SFI1: variants seen among roughly 807,000 people sequenced by gnomAD.
SFI1 encodes the protein SFI1 centrin binding protein.
In SFI1, 195 loss-of-function variants were observed where a neutral mutation model predicts 207.5. That is an observed-to-expected ratio of 0.94 (90% CI 0.84 to 1.06). The LOEUF is 1.06. SFI1 is among the 50% of genes least tolerant of loss of function. The pLI, the probability that SFI1 is intolerant of heterozygous loss-of-function variation, is 0.00. For missense variants in SFI1, 1,634 were observed against 1,588.0 expected (o/e 1.03, Z -0.49); for synonymous variants, 630 against 598.9 (o/e 1.05, Z -0.76).
intron 8 of SFI1, among the ~76,000 whole-genome samples, chr22:31,571,900 GA>G (rs1246313721): frequency 5.9e-5 from 9 of 151,440 alleles, no homozygotes; most frequent in Non-Finnish European, 1.2e-4. Context: ...ACATCTTGAA[GA>G]TTTTTTTTTT....
chr22:31,506,181 G>A (rs1985916879), intron 1 of SFI1, among the ~76,000 whole-genome samples: 1 of 151,634 alleles, frequency 6.6e-6, no homozygotes, highest in Non-Finnish European at 1.5e-5. Flanking sequence ...CTGAGTAGCT[G>A]GGATTGCAGG....
rs777585188 is a variant in SFI1, at chr22:31,575,348, C to T, written c.1040C>T (p.Ala347Val). The change falls in exon 10 of 33, where the codon GCC becomes GTC. Residue 347 changes from alanine to valine, a missense_variant. By Grantham distance (64) the Ala-to-Val change is moderately conservative. Transcript: ENST00000400288. ...YAHHAQVEKL[A>V]RKMALRRAFT... ...CACCATGCCCAGGTGGAGAAACTGG[C>T]CAGGAAGATGGCCCTGCGGCGCGCC... 8 of 1,612,368 alleles carry T rather than the reference C, an allele frequency of 5.0e-6. No homozygotes were observed. The Admixed American group carries it at 1.3e-4, about 27-fold the overall frequency.
chr22:31,590,311 T>G (rs1019874824), intron 15 of SFI1, among the ~76,000 whole-genome samples: 1 of 152,072 alleles, frequency 6.6e-6, no homozygotes, highest in Admixed American at 6.5e-5. Flanking sequence ...TAGAGAGAAG[T>G]CACAGAATCA....
chr22:31,509,224 G>A lies in SFI1; in HGVS notation c.92+848G>A, dbSNP rs184494539. The stretch of plus-strand genomic sequence containing the variant: ...TAATAGGATATATGTGTATGTGAAA[G>A]GGAGTTTGTTAAGGAGAATTGACTC... On this transcript the variant is annotated intron_variant, in intron 2 of 32. Transcript: ENST00000400288. Among the ~76,000 whole-genome samples the A allele has an allele frequency of 5.8e-4, 88 of 152,306 alleles. No individual in the cohort carries two copies. In the South Asian group the frequency reaches 0.011, roughly 20 times the overall value.
rs1217856533 is a variant in SFI1 at position 31,550,235 on chromosome 22, AC to A, written c.450-18del. The A allele has an allele frequency of 6.2e-7, 1 of 1,604,364 alleles. No homozygotes were observed. On this transcript the variant is annotated intron_variant, in intron 5 of 32. Transcript: ENST00000400288. ...CTGTTATTTTGAAGAAATGCCATTT[AC>A]TTTTTTTGGCTCCTCAGGTATTACC... is the stretch of plus-strand genomic sequence containing the variant.
At chr22:31,564,618 C>T (rs2062066599) in intron 8 of SFI1, among the ~76,000 whole-genome samples, 1 of 151,852 alleles carries the variant, frequency 6.6e-6, no homozygotes, top group Non-Finnish European at 1.5e-5. Flanking sequence ...GATCCTCCCA[C>T]CTCAGCCTCC....
chr22:31,611,742 C>T (rs774382048), intron 23 of SFI1, 24 bp from the exon 24 acceptor site: 10 of 1,609,466 alleles, frequency 6.2e-6, no homozygotes, highest in Non-Finnish European at 1.7e-6. Context: ...GGACGCCACT[C>T]TCTGTGCACT....
intron 4 of SFI1, among the ~76,000 whole-genome samples, chr22:31,539,488 C>T (rs1225786038): frequency 6.6e-6 from 1 of 152,100 alleles, no homozygotes; most frequent in African/African-American, 2.4e-5. Context: ...TTTCCAAAAG[C>T]TTCTTTTGTT....
chr22:31,541,830 T>C (rs1025877915), intron 4 of SFI1, among the ~76,000 whole-genome samples: 17 of 149,560 alleles, frequency 1.1e-4, no homozygotes, highest in African/African-American at 3.2e-4. Flanking sequence ...AGGCTGGGCA[T>C]AGTGGCTCAC....
intron 8 of SFI1, among the ~76,000 whole-genome samples, chr22:31,564,761 C>T (rs1331892239): frequency 2.0e-5 from 3 of 151,274 alleles, no homozygotes; most frequent in East Asian, 1.9e-4. Flanking sequence ...CCACCCGCCT[C>T]GGCCTCCCAA....
chr22:31,584,452 C>T (rs1300928618), intron 13 of SFI1, among the ~76,000 whole-genome samples: 2 of 152,112 alleles, frequency 1.3e-5, no homozygotes, highest in African/African-American at 2.4e-5. Flanking sequence ...AGTTGCCTGG[C>T]CCCCTCCCTA....
chr22:31,602,500 C>A, intron 16 of SFI1, 107 bp from the exon 17 acceptor site: 1 of 1,349,716 alleles, frequency 7.4e-7, no homozygotes. Context: ...TCCTGACATC[C>A]ATTCCTTTTG....
In SFI1 at chr22:31,601,128, CTTTTTT is replaced by C. The variant is rs11354377; in HGVS notation, c.1545-1067_1545-1062del. 1.2e-3 allele frequency among the ~76,000 whole-genome samples: 96 copies of C among 80,324 alleles called. No homozygotes were observed. The East Asian group carries it at 0.021, about 17-fold the overall frequency. The allele number at this position is 80,324 out of a possible 152,430, so 52.7% of individuals were successfully genotyped here. On this transcript the variant is annotated intron_variant, in intron 15 of 32. Transcript: ENST00000400288. ...TCCCAAACCTTTTTACTTTTCTTTA[CTTTTTT>C]TTTTTTTTTTTTTTTTGCAACCTCT...
chr22:31,546,776 C>T (rs2060127408), intron 4 of SFI1, 85 bp from the exon 5 acceptor site: 1 of 955,810 alleles, frequency 1.0e-6, no homozygotes, highest in Non-Finnish European at 1.5e-6. Flanking sequence ...TGTACTTTTT[C>T]ATGAGACGGC....
At chr22:31,508,695 T>A (rs1460326232) in intron 2 of SFI1, among the ~76,000 whole-genome samples, 2 of 152,184 alleles carry the variant, frequency 1.3e-5, no homozygotes, top group Non-Finnish European at 2.9e-5. Context: ...CTACTTTTGA[T>A]CATGGTTGCT....
intron 4 of SFI1, among the ~76,000 whole-genome samples, chr22:31,532,802 GA>G (rs1265180880): frequency 6.6e-6 from 1 of 152,120 alleles, no homozygotes; most frequent in African/African-American, 2.4e-5. Context: ...TTGCAAAAGA[GA>G]AAAAACTTAC....
At chr22:31,544,936 G>A (rs1275425322) in intron 4 of SFI1, among the ~76,000 whole-genome samples, 1 of 151,996 alleles carries the variant, frequency 6.6e-6, no homozygotes, top group East Asian at 1.9e-4. Context: ...GTCTTGCTCT[G>A]TTGCACAGAC....
At chr22:31,563,361 A>G (rs939206490) in intron 8 of SFI1, among the ~76,000 whole-genome samples, 6 of 152,128 alleles carry the variant, frequency 3.9e-5, no homozygotes, top group African/African-American at 1.2e-4. Context: ...GGGAGATGGA[A>G]CTGATAAATG....
chr22:31,618,027 C>A, intron 31 of SFI1, 88 bp from the exon 32 acceptor site: 2 of 1,412,680 alleles, frequency 1.4e-6, no homozygotes, highest in South Asian at 1.4e-5. Flanking sequence ...ATACCCGCAT[C>A]AGAATTAGCT....
Sources: gnomAD v4.1 joint callset for allele counts (sites outside exome capture counted in the v4.1 genomes callset) on GRCh38, gnomAD v4.1.1 for gene constraint, MANE v1.5 for transcripts, NCBI Gene and HGNC (gene_info 2026-07-23, HGNC 2026-07-21) for gene names.